Variants in GUCY1A2 observed in about 807,000 individuals in gnomAD.
GUCY1A2 encodes guanylate cyclase 1 soluble subunit alpha 2, also known as guanylate cyclase soluble subunit alpha-2.
Under a neutral mutation model 63.5 loss-of-function variants are expected in GUCY1A2, and 27 were observed. The observed-to-expected ratio is 0.43, with a 90% CI of 0.31 to 0.59. The LOEUF is 0.59. GUCY1A2 is among the 20% of genes least tolerant of loss of function. The probability of loss-of-function intolerance (pLI) is 0.11; values close to 1 mark genes in which losing one functional copy is unlikely to be tolerated. For missense variants in GUCY1A2, 768 were observed against 913.3 expected, an observed-to-expected ratio of 0.84 and a Z score of 2.05; for synonymous variants, 364 against 343.5, an observed-to-expected ratio of 1.06 and a Z score of -0.66.
At position 106,944,215 on chromosome 11, in the gene GUCY1A2, C is replaced by CAAAAAAAAAAAAAAAAAAAAAAAAAAAAA. The variant is rs71041701; in HGVS notation, c.488-4038_488-4037insTTTTTTTTTTTTTTTTTTTTTTTTTTTTT. Reference sequence around the variant, plus strand: ...GGGCAACAGAGTGAGACCCTGTCTCCAAAAAAAAAAAAAAAAAAAAAGCAG... The same window carrying CAAAAAAAAAAAAAAAAAAAAAAAAAAAAA: ...GGGCAACAGAGTGAGACCCTGTCTCCAAAAAAAAAAAAAAAAAAAAAAAAAAAAAAAAAAAAAAAAAAAAAAAAAAGCAG... On this transcript the variant is annotated intron_variant, in intron 3 of 7. Transcript: ENST00000526355. Among the ~76,000 whole-genome samples, 8 of 21,576 alleles carry CAAAAAAAAAAAAAAAAAAAAAAAAAAAAA rather than the reference C, an allele frequency of 3.7e-4. 1 individual carries two copies. The highest frequency in any genetic ancestry group is 9.3e-4 in the African/African-American group (4 of 4,300). The allele number at this position is 21,576 out of a possible 152,430, so 14.2% of individuals were successfully genotyped here.
intron 6 of GUCY1A2, among the ~76,000 whole-genome samples, chr11:106,736,222 C>T (rs1283162860): frequency 1.3e-5 from 2 of 151,996 alleles, no homozygotes; most frequent in Non-Finnish European, 1.5e-5. Flanking sequence ...CAATGTCCTG[C>T]AGAGTTTCTA....
At chr11:106,988,813 T>G (rs1457074711) in intron 1 of GUCY1A2, among the ~76,000 whole-genome samples, 1 of 152,146 alleles carries the variant, frequency 6.6e-6, no homozygotes, top group African/African-American at 2.4e-5. Flanking sequence ...CCTCCGAATA[T>G]CTTATCACCA....
intron 4 of GUCY1A2, among the ~76,000 whole-genome samples, chr11:106,860,134 GT>G (rs1274024157): frequency 1.3e-5 from 2 of 151,856 alleles, no homozygotes; most frequent in Non-Finnish European, 2.9e-5. Context: ...TTAAGTTTAT[GT>G]TTTAAAATAC....
intron 1 of GUCY1A2, among the ~76,000 whole-genome samples, chr11:107,014,949 TA>T (rs568396542): frequency 1.6e-4 from 25 of 152,302 alleles, no homozygotes; most frequent in African/African-American, 5.8e-4. Context: ...AGAGAGGACA[TA>T]ATCCATCTCC....
chr11:106,784,739 G>T (rs988622442), intron 5 of GUCY1A2, among the ~76,000 whole-genome samples: 1 of 151,984 alleles, frequency 6.6e-6, no homozygotes. Context: ...TGCATTATAG[G>T]ATCTTATTTT....
intron 7 of GUCY1A2, among the ~76,000 whole-genome samples, 187 bp downstream of exon 7, chr11:106,708,325 G>A (rs1862953313): frequency 6.6e-6 from 1 of 152,044 alleles, no homozygotes; most frequent in Non-Finnish European, 1.5e-5. Flanking sequence ...GATTTTTCAT[G>A]CACTCTCACA....
At position 106,978,658 on chromosome 11, in the gene GUCY1A2, C is replaced by G; in HGVS notation, c.448G>C (p.Asp150His). The G allele has an allele frequency of 3.8e-6, 6 of 1,559,438 alleles. No individual in the cohort carries two copies. Among genetic ancestry groups the G allele is most frequent in the Non-Finnish European group, 5.3e-6 (6 of 1,130,804 alleles). The change falls in exon 3 of 8, where the codon GAT becomes CAT. Residue 150 changes from aspartate (D) to histidine (H), a missense_variant. Transcript: ENST00000526355. The part of the protein sequence containing the change: ...ADHSNKEEIE[D>H]VSGILQCTAN... ...GTACACTGAAGAATTCCTGAGACAT[C>G]TTCAATTTCTTCTTTGTTGGAGTGG...
intron 4 of GUCY1A2, among the ~76,000 whole-genome samples, chr11:106,841,734 T>A (rs1159032589): frequency 6.6e-6 from 1 of 151,948 alleles, no homozygotes; most frequent in Non-Finnish European, 1.5e-5. Flanking sequence ...AAAGTACACA[T>A]TTTCTGCTAC....
At chr11:106,841,011 G>C (rs751666329) in intron 4 of GUCY1A2, among the ~76,000 whole-genome samples, 3 of 151,876 alleles carry the variant, frequency 2.0e-5, no homozygotes, top group Admixed American at 6.6e-5. Context: ...CATTTACTTA[G>C]AATATTTTAA....
intron 2 of GUCY1A2, among the ~76,000 whole-genome samples, chr11:106,985,068 T>TG (rs1295870406): frequency 6.6e-6 from 1 of 151,996 alleles, no homozygotes; most frequent in Non-Finnish European, 1.5e-5. Context: ...TTCTGTTCTG[T>TG]GAAAAAAAAA....
In GUCY1A2 at chr11:106,905,296, T is replaced by C. The variant is rs1211165506; in HGVS notation, c.1206+34164A>G. Among the ~76,000 whole-genome samples, 3 of 152,216 alleles carry C rather than the reference T, an allele frequency of 2.0e-5. No homozygotes were observed. In the South Asian group the frequency reaches 6.2e-4, roughly 32 times the overall value. The stretch of plus-strand genomic sequence containing the variant: ...AATCACTCTAATGTCAGACAGTGTC[T>C]TAGTCAGATAAAGCTGCAATAATAT... On this transcript the variant is annotated intron_variant, in intron 4 of 7. Transcript: ENST00000526355.
intron 3 of GUCY1A2, among the ~76,000 whole-genome samples, chr11:106,966,303 T>A (rs1479780581): frequency 2.0e-5 from 3 of 152,038 alleles, no homozygotes; most frequent in African/African-American, 7.2e-5. Flanking sequence ...GATGGGGTTA[T>A]CACCATGTTG....
intron 4 of GUCY1A2, among the ~76,000 whole-genome samples, chr11:106,817,840 A>T (rs1228276470): frequency 1.3e-5 from 2 of 152,132 alleles, no homozygotes; most frequent in Non-Finnish European, 2.9e-5. Flanking sequence ...ATGATGAAAA[A>T]TAATGAGTAC....
intron 4 of GUCY1A2, among the ~76,000 whole-genome samples, chr11:106,814,324 G>T (rs1163713368): frequency 6.6e-6 from 1 of 152,066 alleles, no homozygotes; most frequent in African/African-American, 2.4e-5. Context: ...TATGTCCCGG[G>T]TGCTTCAATA....
chr11:106,686,384 AT>A lies in GUCY1A2; in HGVS notation c.*1164del. The A allele has an allele frequency of 4.5e-6, 1 of 219,908 alleles. No homozygotes were observed. Among genetic ancestry groups the A allele is most frequent in the Non-Finnish European group, 9.1e-6 (1 of 109,580 alleles). The allele number at this position is 219,908 out of a possible 1,614,324, so 13.6% of individuals were successfully genotyped here. The stretch of plus-strand genomic sequence containing the variant: ...AGCCATATCAATCAAACTGCAGAAC[AT>A]TTTTTAAAACCTCAAAGCCATAAAA... On this transcript the variant is annotated 3_prime_UTR_variant, in exon 8 of 8. Coordinates refer to ENST00000526355, the MANE Select transcript of GUCY1A2 (RefSeq NM_000855.3).
chr11:106,841,006 A>C (rs957380755), intron 4 of GUCY1A2, among the ~76,000 whole-genome samples: 4 of 151,948 alleles, frequency 2.6e-5, no homozygotes, highest in African/African-American at 7.2e-5. Flanking sequence ...TGATTCATTT[A>C]CTTAGAATAT....
chr11:106,780,677 T>G (rs567351270), intron 5 of GUCY1A2, among the ~76,000 whole-genome samples: 1 of 152,308 alleles, frequency 6.6e-6, no homozygotes, highest in South Asian at 2.1e-4. Context: ...GTATAGAGAA[T>G]GGGAAATGCC....
chr11:106,960,187 A>G (rs1861040971), intron 3 of GUCY1A2, among the ~76,000 whole-genome samples: 1 of 151,924 alleles, frequency 6.6e-6, no homozygotes, highest in Non-Finnish European at 1.5e-5. Context: ...GGAGCATTCA[A>G]TAAACAGCAC....
At position 106,820,683 on chromosome 11, in the gene GUCY1A2, C is replaced by T. The variant is rs916147528; in HGVS notation, c.1207-10205G>A. 2.0e-5 allele frequency among the ~76,000 whole-genome samples: 3 copies of T among 152,268 alleles called. No homozygotes were observed. In the East Asian group the frequency reaches 5.8e-4, roughly 29 times the overall value. ...AAAGTGCCGGGATTATAGGCATGAC[C>T]CACTGCACCTGGCCTAGCCTAAGCA... On this transcript the variant is annotated intron_variant, in intron 4 of 7. Coordinates refer to ENST00000526355, the MANE Select transcript of GUCY1A2 (RefSeq NM_000855.3).
Sources: gnomAD v4.1 joint callset for allele counts (sites outside exome capture counted in the v4.1 genomes callset) on GRCh38, gnomAD v4.1.1 for gene constraint, MANE v1.5 for transcripts, NCBI Gene and HGNC (gene_info 2026-07-23, HGNC 2026-07-21) for gene names.